The following TTK variants were observed in gnomAD, a reference collection of about 807,000 sequenced individuals.
TTK encodes the protein dual specificity protein kinase TTK.
A neutral mutation model predicts 117.3 loss-of-function variants in TTK; 59 were observed. The ratio of observed to expected loss-of-function variants is 0.50; its 90% CI spans 0.41 to 0.62. The LOEUF is 0.62. TTK is among the 20% of genes least tolerant of loss of function. The pLI, the probability that TTK is intolerant of heterozygous loss-of-function variation, is 0.00. For missense variants in TTK, 921 were observed against 989.4 expected (o/e 0.93, Z 0.93); for synonymous variants, 302 against 325.0 (o/e 0.93, Z 0.76).
In TTK at chr6:80,010,349, A is replaced by G. The variant is rs186410867; in HGVS notation, c.470-465A>G. 1.8e-4 allele frequency among the ~76,000 whole-genome samples: 28 copies of G among 151,662 alleles called. No individual in the cohort carries two copies. In the East Asian group the frequency reaches 4.6e-3, roughly 25 times the overall value. On this transcript the variant is annotated intron_variant, in intron 4 of 21. Coordinates refer to ENST00000369798, the MANE Select transcript of TTK (RefSeq NM_003318.5). ...TCCTTTTGATGGAAGATGCTCTTTAACAAAAGATGTCATCCTTCCCTTAAC... is the reference window on the plus strand; with the variant it reads ...TCCTTTTGATGGAAGATGCTCTTTAGCAAAAGATGTCATCCTTCCCTTAAC...
At chr6:80,009,652 A>G (rs1013955528) in intron 4 of TTK, among the ~76,000 whole-genome samples, 5 of 152,084 alleles carry the variant, frequency 3.3e-5, no homozygotes, top group African/African-American at 9.7e-5. Context: ...AACTTTATCT[A>G]TACCACTTTA....
At chr6:80,024,430 A>C (rs1173392408) in intron 11 of TTK, among the ~76,000 whole-genome samples, 2 of 152,250 alleles carry the variant, frequency 1.3e-5, no homozygotes, top group African/African-American at 4.8e-5. Flanking sequence ...ATAAACAGTA[A>C]TGAAGTACTA....
intron 18 of TTK, among the ~76,000 whole-genome samples, chr6:80,038,855 T>G (rs1452263370): frequency 5.3e-5 from 8 of 152,162 alleles, no homozygotes; most frequent in Non-Finnish European, 1.0e-4. Flanking sequence ...GTTCCTGACT[T>G]CATTTATCAA....
intron 17 of TTK, among the ~76,000 whole-genome samples, chr6:80,036,905 G>A (rs983704281): frequency 6.6e-6 from 1 of 152,060 alleles, no homozygotes; most frequent in Non-Finnish European, 1.5e-5. Context: ...ATTTGGCTCA[G>A]AGTTTCCTTG....
At chr6:80,020,982 G>T (rs1257612934) in intron 10 of TTK, among the ~76,000 whole-genome samples, 1 of 152,228 alleles carries the variant, frequency 6.6e-6, no homozygotes, top group East Asian at 1.9e-4. Flanking sequence ...AGACAGCACT[G>T]CAGAGTGACC....
intron 1 of TTK, among the ~76,000 whole-genome samples, chr6:80,005,161 T>C (rs1582082876): frequency 6.6e-6 from 1 of 152,188 alleles, no homozygotes; most frequent in African/African-American, 2.4e-5. Context: ...AGCATTGTTA[T>C]CAGTGACACT....
chr6:80,010,781 C>A, intron 4 of TTK, 33 bp from the exon 5 acceptor site: 2 of 1,222,294 alleles, frequency 1.6e-6, no homozygotes, highest in Non-Finnish European at 2.2e-6. Context: ...CATTTTACTG[C>A]CTAAAAATGA....
chr6:80,040,478 C>T, intron 20 of TTK, 128 bp from the exon 21 acceptor site: 1 of 893,350 alleles, frequency 1.1e-6, no homozygotes, highest in South Asian at 2.3e-5. Context: ...TTTACTTATT[C>T]CAGATAACGG....
At position 80,008,557 on chromosome 6, in the gene TTK, T is replaced by G. The variant is rs370555955; in HGVS notation, c.469+65T>G. ...TAACTTATTACAACTTACTTCCTAATATTAAATCATATATATGAAGTGGAA... is the reference window on the plus strand; with the variant it reads ...TAACTTATTACAACTTACTTCCTAAGATTAAATCATATATATGAAGTGGAA... On this transcript the variant is annotated intron_variant, in intron 4 of 21. Coordinates refer to ENST00000369798, the MANE Select transcript of TTK (RefSeq NM_003318.5). 6 of 1,366,942 alleles carry G rather than the reference T, an allele frequency of 4.4e-6. No homozygotes were observed. The South Asian group carries it at 8.0e-5, about 18-fold the overall frequency. 84.7% of individuals were successfully genotyped at this position (1,366,942 alleles called of 1,614,324 possible). A position where few individuals can be genotyped will look rare whatever the true frequency, so the allele number is the denominator to read the frequency against.
intron 13 of TTK, among the ~76,000 whole-genome samples, chr6:80,030,025 A>G (rs922185035): frequency 3.9e-5 from 6 of 152,192 alleles, no homozygotes; most frequent in African/African-American, 1.2e-4. Context: ...TAGAAGCCCA[A>G]TACTTTGTTA....
intron 14 of TTK, among the ~76,000 whole-genome samples, chr6:80,032,368 G>A (rs1220880064): frequency 1.3e-5 from 2 of 151,944 alleles, no homozygotes; most frequent in South Asian, 2.1e-4. Context: ...GCACTGCTCC[G>A]GGCTTAGTCC....
intron 10 of TTK, among the ~76,000 whole-genome samples, chr6:80,016,655 C>G (rs940214833): frequency 6.6e-6 from 1 of 151,934 alleles, no homozygotes; most frequent in Non-Finnish European, 1.5e-5. Context: ...TAAGGGAAAA[C>G]GCATAATTAT....
At chr6:80,034,860 C>A in intron 14 of TTK, 125 bp from the exon 15 acceptor site, 1 of 818,326 alleles carries the variant, frequency 1.2e-6, no homozygotes, top group Non-Finnish European at 1.7e-6. Context: ...GGCCCAGAAA[C>A]TTTTAATGTT....
Position 80,037,997 on chromosome 6 carries a change from GCAAT to G in TTK, c.2084_2087del (p.Ile695LysfsTer16). On this transcript the variant is annotated frameshift_variant, in exon 18 of 22. Transcript: ENST00000369798. LOFTEE classifies it high-confidence loss of function. ...CACAGTTAATTATATGCCACCAGAA[GCAAT>G]CAAAGATATGTCTTCCTCCAGAGAG... The G allele has an allele frequency of 1.2e-6, 2 of 1,610,360 alleles. No individual in the cohort carries two copies. The highest frequency in any genetic ancestry group is 1.7e-6 in the Non-Finnish European group (2 of 1,177,950).
At chr6:80,041,618 G>A (rs1768050703) in intron 21 of TTK, among the ~76,000 whole-genome samples, 1 of 151,322 alleles carries the variant, frequency 6.6e-6, no homozygotes, top group Non-Finnish European at 1.5e-5. Context: ...GTTCCTTGAG[G>A]GCAAAGATGT....
intron 14 of TTK, among the ~76,000 whole-genome samples, chr6:80,034,657 T>C (rs1013446268): frequency 6.6e-6 from 1 of 152,156 alleles, no homozygotes; most frequent in African/African-American, 2.4e-5. Context: ...AGTCTTTTTC[T>C]TTATGCTGTT....
intron 13 of TTK, among the ~76,000 whole-genome samples, chr6:80,031,204 T>A (rs1044024336): frequency 3.3e-5 from 5 of 151,708 alleles, no homozygotes; most frequent in Non-Finnish European, 5.9e-5. Flanking sequence ...AGTTTGCAGA[T>A]TGCATATTAA....
intron 11 of TTK, 129 bp from the exon 12 acceptor site, chr6:80,026,249 T>G: frequency 1.1e-6 from 1 of 934,248 alleles, no homozygotes; most frequent in Admixed American, 3.1e-5. Flanking sequence ...TATATATGCC[T>G]ATCTCTTTTA....
At chr6:80,017,199 A>T (rs1767329526) in intron 10 of TTK, among the ~76,000 whole-genome samples, 1 of 152,150 alleles carries the variant, frequency 6.6e-6, no homozygotes, top group African/African-American at 2.4e-5. Flanking sequence ...ATCCTCCTTT[A>T]CCTCACTGAC....
Sources: gnomAD v4.1 joint callset for allele counts (sites outside exome capture counted in the v4.1 genomes callset) on GRCh38, gnomAD v4.1.1 for gene constraint, MANE v1.5 for transcripts, NCBI Gene and HGNC (gene_info 2026-07-23, HGNC 2026-07-21) for gene names.